ARHGAP32: variants seen among roughly 807,000 people sequenced by gnomAD.
ARHGAP32 encodes rho GTPase-activating protein 32.
ARHGAP32 carries 51 observed loss-of-function variants against 186.5 expected under a neutral mutation model. The observed-to-expected ratio is 0.27, with a 90% CI of 0.22 to 0.35. ARHGAP32 has a LOEUF of 0.35. Ranked by LOEUF, ARHGAP32 falls within the 10% of genes least tolerant of loss-of-function variation. ARHGAP32 has a pLI of 1.00. For synonymous variants in ARHGAP32, 950 were observed against 964.3 expected, an observed-to-expected ratio of 0.99 and a Z score of 0.27; for missense variants, 2,186 against 2,623.5, an observed-to-expected ratio of 0.83 and a Z score of 3.64.
At chr11:128,983,499 TG>T (rs1051241168) in intron 15 of ARHGAP32, among the ~76,000 whole-genome samples, 6 of 87,854 alleles carry the variant, frequency 6.8e-5, no homozygotes, top group African/African-American at 2.7e-4. Flanking sequence ...TGTTGTGGGG[TG>T]GGGGGAAGGG....
intron 1 of ARHGAP32, among the ~76,000 whole-genome samples, chr11:129,269,310 TAATA>T (rs1346752270): frequency 2.6e-5 from 4 of 151,268 alleles, no homozygotes; most frequent in African/African-American, 4.9e-5. Context: ...AATAAGCAAA[TAATA>T]AATGAATATG....
intron 2 of ARHGAP32, chr11:129,126,048 T>C (rs996876854): frequency 2.3e-6 from 1 of 438,910 alleles, no homozygotes. Context: ...TTCATAATCC[T>C]AGGTATTATT....
chr11:129,254,567 A>G (rs1253740818), intron 1 of ARHGAP32, among the ~76,000 whole-genome samples: 2 of 152,176 alleles, frequency 1.3e-5, no homozygotes, highest in South Asian at 2.1e-4. Context: ...TAAACTGTCA[A>G]TATCAAGTTG....
At position 129,082,882 on chromosome 11, in the gene ARHGAP32, AAACAACAACAAC is replaced by A. The variant is rs749344692; in HGVS notation, c.531+10727_531+10738del. On this transcript the variant is annotated intron_variant, in intron 6 of 22. Transcript: ENST00000682385. ...GGAACCCAAATAAATCAGCAAGACA[AAACAACAACAAC>A]AACAACAACAACAACAACAAATAAT... 6.7e-4 allele frequency among the ~76,000 whole-genome samples: 101 copies of A among 151,692 alleles called. No individual in the cohort carries two copies. The East Asian group carries it at 0.017, about 26-fold the overall frequency.
rs1438869491 is a variant in ARHGAP32, at chr11:129,178,391, C to T, written c.116+13692G>A. Among the ~76,000 whole-genome samples, 275 of 151,498 alleles carry T rather than the reference C, an allele frequency of 1.8e-3. 1 individual carries two copies. The highest frequency in any genetic ancestry group is 2.7e-3 in the Non-Finnish European group (184 of 67,730). ...CCCAAGGTAATTTATAGATTCAATG[C>T]CATCCCCATCAAGCTACCAATGACT... On this transcript the variant is annotated intron_variant, in intron 1 of 22. Transcript: ENST00000682385.
intron 1 of ARHGAP32, among the ~76,000 whole-genome samples, chr11:129,188,396 C>T (rs1944204970): frequency 1.3e-5 from 2 of 152,140 alleles, no homozygotes; most frequent in South Asian, 4.1e-4. Context: ...GTTTTATGGG[C>T]TTCCAGGGGA....
chr11:128,967,685 A>C lies in ARHGAP32; in HGVS notation c.*1222T>G, dbSNP rs1226846694. 6.6e-6 allele frequency: 1 copy of C among 152,230 alleles called. No individual in the cohort carries two copies. The highest frequency in any genetic ancestry group is 1.5e-5 in the Non-Finnish European group (1 of 68,048). The allele number at this position is 152,230 out of a possible 1,614,324, so 9.4% of individuals were successfully genotyped here. On this transcript the variant is annotated 3_prime_UTR_variant, in exon 23 of 23. Coordinates refer to ENST00000682385, the MANE Select transcript of ARHGAP32 (RefSeq NM_001378024.1). ...AATTACAAGAAGACTGTGACCACACAAGTATAGAGTAAGCAAACGACAGTA... is the reference window on the plus strand; with the variant it reads ...AATTACAAGAAGACTGTGACCACACCAGTATAGAGTAAGCAAACGACAGTA...
At chr11:129,173,922 G>A (rs184864234) in intron 1 of ARHGAP32, among the ~76,000 whole-genome samples, 2 of 152,218 alleles carry the variant, frequency 1.3e-5, no homozygotes, top group South Asian at 2.1e-4. Flanking sequence ...TGTAAAAATT[G>A]GAAAAGAAAG....
chr11:129,273,018 C>G (rs1945490237), intron 1 of ARHGAP32, among the ~76,000 whole-genome samples: 2 of 152,296 alleles, frequency 1.3e-5, no homozygotes, highest in Non-Finnish European at 2.9e-5. Flanking sequence ...CCATCAAAGA[C>G]AGAATGACCA....
At chr11:129,153,220 GA>G (rs1024204073) in intron 2 of ARHGAP32, among the ~76,000 whole-genome samples, 2 of 151,656 alleles carry the variant, frequency 1.3e-5, no homozygotes, top group African/African-American at 4.8e-5. Flanking sequence ...AAACACTGCT[GA>G]AAAAAATCAC....
intron 1 of ARHGAP32, among the ~76,000 whole-genome samples, chr11:129,169,123 T>G (rs142082305): frequency 2.8e-4 from 42 of 152,246 alleles, no homozygotes; most frequent in Non-Finnish European, 5.6e-4. Flanking sequence ...AATAGTAAAT[T>G]AATTCAAGGA....
intron 1 of ARHGAP32, among the ~76,000 whole-genome samples, chr11:129,270,558 G>A (rs985671680): frequency 6.6e-6 from 1 of 151,572 alleles, no homozygotes; most frequent in Non-Finnish European, 1.5e-5. Context: ...GTAACCTATG[G>A]ACTTCGGGTG....
chr11:129,066,729 ACCT>A lies in ARHGAP32; in HGVS notation c.668_669+1del. 1 of 1,608,950 alleles carries A rather than the reference ACCT, an allele frequency of 6.2e-7. No homozygotes were observed. The highest frequency in any genetic ancestry group is 2.2e-5 in the East Asian group (1 of 44,818). ...TCTGTACTAAATGTACTAAATGCTTACCTCTGGACTGTCCTTCAGGGTGTCAGA... is the reference window on the plus strand; with the variant it reads ...TCTGTACTAAATGTACTAAATGCTTACTGGACTGTCCTTCAGGGTGTCAGA... On this transcript the variant is annotated splice_donor_variant and coding_sequence_variant, in exon 7 of 23. Coordinates refer to ENST00000682385, the MANE Select transcript of ARHGAP32 (RefSeq NM_001378024.1). LOFTEE classifies it high-confidence loss of function.
chr11:129,224,980 G>T (rs1211736096), intron 1 of ARHGAP32, among the ~76,000 whole-genome samples: 2 of 151,896 alleles, frequency 1.3e-5, no homozygotes, highest in African/African-American at 4.8e-5. Flanking sequence ...GTATGATGGT[G>T]CATACGTGTA....
chr11:129,098,621 G>A (rs1941803716), intron 5 of ARHGAP32, among the ~76,000 whole-genome samples: 1 of 151,860 alleles, frequency 6.6e-6, no homozygotes, highest in Admixed American at 6.6e-5. Flanking sequence ...GGGTTTCACT[G>A]TGTTAGCCAG....
chr11:129,194,463 G>A (rs1944363552), upstream of ARHGAP32, among the ~76,000 whole-genome samples: 1 of 152,160 alleles, frequency 6.6e-6, no homozygotes, highest in Admixed American at 6.5e-5. Context: ...AAAGCCTAAG[G>A]AATACTGTTA....
intron 10 of ARHGAP32, among the ~76,000 whole-genome samples, chr11:129,044,446 A>T (rs879710900): frequency 6.6e-6 from 1 of 152,204 alleles, no homozygotes; most frequent in African/African-American, 2.4e-5. Flanking sequence ...GACCTTGAGC[A>T]GTAAGATATA....
chr11:129,073,757 A>C (rs1940944530), intron 6 of ARHGAP32, among the ~76,000 whole-genome samples: 1 of 149,774 alleles, frequency 6.7e-6, no homozygotes, highest in Non-Finnish European at 1.5e-5. Flanking sequence ...TCCTCAAAAA[A>C]AAAACAAACA....
In ARHGAP32 at chr11:128,988,082, A is replaced by G. The variant is rs774903664; in HGVS notation, c.1239T>C (p.Tyr413=). 27 of 1,613,474 alleles carry G rather than the reference A, an allele frequency of 1.7e-5. No individual in the cohort carries two copies. Among genetic ancestry groups the G allele is most frequent in the East Asian group, 8.9e-5 (4 of 44,850 alleles). Residue 413 remains tyrosine (Y), a synonymous_variant, in exon 13 of 23, where the codon TAT becomes TAC. Coordinates refer to ENST00000682385, the MANE Select transcript of ARHGAP32 (RefSeq NM_001378024.1). ...GGCGATAGATTCCATCCACGATGCC[A>G]TATCTCTCAATGAATGCTGTGCAGC... ...LQSCTAFIER[Y]GIVDGIYRLS...
Sources: gnomAD v4.1 joint callset for allele counts (sites outside exome capture counted in the v4.1 genomes callset) on GRCh38, gnomAD v4.1.1 for gene constraint, MANE v1.5 for transcripts, NCBI Gene and HGNC (gene_info 2026-07-23, HGNC 2026-07-21) for gene names.